The following ARFGAP3 variants were observed in gnomAD, a reference collection of about 807,000 sequenced individuals.
ARFGAP3 encodes the protein ARF GTPase activating protein 3, also known as ADP-ribosylation factor GTPase-activating protein 3.
In ARFGAP3, 72 loss-of-function variants were observed where a neutral mutation model predicts 75.0. That is an observed-to-expected ratio of 0.96 (90% CI 0.79 to 1.17). The LOEUF (loss-of-function observed/expected upper bound fraction) is 1.17. Among genes scored for constraint, ARFGAP3 ranks in the 50% most tolerant of loss-of-function variants. The pLI is 0.00. For synonymous variants in ARFGAP3, 221 were observed against 217.9 expected, an observed-to-expected ratio of 1.01 and a Z score of -0.13; for missense variants, 620 against 626.6, an observed-to-expected ratio of 0.99 and a Z score of 0.11.
intron 2 of ARFGAP3, among the ~76,000 whole-genome samples, chr22:42,843,618 A>G (rs1652688512): frequency 6.6e-6 from 1 of 152,208 alleles, no homozygotes; most frequent in Admixed American, 6.5e-5. Context: ...TTTTCCAACC[A>G]GAAGTGGGCA....
chr22:42,799,150 G>A lies in ARFGAP3; in HGVS notation c.1422C>T (p.Ser474=), dbSNP rs2146520227. 6.2e-7 allele frequency: 1 copy of A among 1,614,066 alleles called. No individual in the cohort carries two copies. The highest frequency in any genetic ancestry group is 8.5e-7 in the Non-Finnish European group (1 of 1,179,986). Residue 474 remains serine (S), a synonymous_variant, in exon 15 of 16, where the codon AGC becomes AGT. Transcript: ENST00000263245. ...EPRKQPAGNY[S]LSSVLPNAPD... ...GGGCGTTGGGCAGCACACTGGACAG[G>A]CTGTAGTTCCCTGCACACACACAGC...
intron 2 of ARFGAP3, among the ~76,000 whole-genome samples, chr22:42,843,719 A>G (rs1400484214): frequency 6.6e-6 from 1 of 152,230 alleles, no homozygotes; most frequent in Non-Finnish European, 1.5e-5. Context: ...CCAGGCCAAC[A>G]AGATCGATGC....
At position 42,841,032 on chromosome 22, in the gene ARFGAP3, A is replaced by C; in HGVS notation, c.189-16T>G. ...CTCTGTAGATCTAAATGGAAAGAAT[A>C]TTACTAACTGTTAATATTTTTTATC... On this transcript the variant is annotated splice_polypyrimidine_tract_variant and intron_variant, in intron 2 of 15. Coordinates refer to ENST00000263245, the MANE Select transcript of ARFGAP3 (RefSeq NM_014570.5). The C allele has an allele frequency of 6.2e-7, 1 of 1,611,508 alleles. No individual in the cohort carries two copies. Among genetic ancestry groups the C allele is most frequent in the Non-Finnish European group, 8.5e-7 (1 of 1,179,114 alleles).
intron 1 of ARFGAP3, among the ~76,000 whole-genome samples, chr22:42,848,997 A>G (rs972242052): frequency 1.3e-5 from 2 of 152,122 alleles, no homozygotes; most frequent in Non-Finnish European, 2.9e-5. Context: ...CTCTAGGGGA[A>G]GCCAGGTGCC....
rs769806430 is a variant in ARFGAP3 at position 42,835,541 on chromosome 22, G to T, written c.262-48C>A. On this transcript the variant is annotated intron_variant, in intron 3 of 15. Transcript: ENST00000263245. ...TAATATTTTCGTAAAACTACGTATG[G>T]CCAGGCGCAGTGGCTCATGCCTGTA... 5.6e-6 allele frequency: 9 copies of T among 1,601,076 alleles called. No homozygotes were observed. The East Asian group carries it at 1.6e-4, about 28-fold the overall frequency.
chr22:42,846,446 C>G (rs1306274376), intron 2 of ARFGAP3, among the ~76,000 whole-genome samples: 1 of 152,204 alleles, frequency 6.6e-6, no homozygotes, highest in Non-Finnish European at 1.5e-5. Context: ...GTTATCCCAT[C>G]AGACTGTCAG....
At chr22:42,805,846 TCTCTGCCAGCTG>T (rs1925095494) in intron 14 of ARFGAP3, among the ~76,000 whole-genome samples, 1 of 152,208 alleles carries the variant, frequency 6.6e-6, no homozygotes, top group Middle Eastern at 3.2e-3. Context: ...GCTGCCTGGC[TCTCTGCCAGCTG>T]CTCTGCCAAC....
intron 6 of ARFGAP3, 31 bp downstream of exon 6, chr22:42,831,508 AACCATAGAAT>A (rs749619350): frequency 1.3e-6 from 2 of 1,587,090 alleles, no homozygotes; most frequent in Non-Finnish European, 1.7e-6. Context: ...CATGCCACTG[AACCATAGAAT>A]AGTATTACAT....
chr22:42,823,070 A>G lies in ARFGAP3; in HGVS notation c.672+586T>C, dbSNP rs1925881884. Among the ~76,000 whole-genome samples, 6 of 152,042 alleles carry G rather than the reference A, an allele frequency of 3.9e-5. 1 individual carries two copies. Among genetic ancestry groups the G allele is most frequent in the Admixed American group, 3.3e-4 (5 of 15,262 alleles). On this transcript the variant is annotated intron_variant, in intron 8 of 15. Coordinates refer to ENST00000263245, the MANE Select transcript of ARFGAP3 (RefSeq NM_014570.5). ...AGTGATCCACCTGCCTCGGCCTCCC[A>G]AAGTGCTGGGATTACAGGCGTGAGT...
intron 11 of ARFGAP3, among the ~76,000 whole-genome samples, chr22:42,812,133 G>A (rs1352370570): frequency 6.6e-6 from 1 of 150,554 alleles, no homozygotes; most frequent in African/African-American, 2.4e-5. Context: ...AGCTACTTGG[G>A]AGGCTCACCT....
chr22:42,841,297 T>C (rs1926770360), intron 2 of ARFGAP3, among the ~76,000 whole-genome samples: 1 of 152,144 alleles, frequency 6.6e-6, no homozygotes. Flanking sequence ...CTCCCATCCT[T>C]GGTTGGATAT....
At chr22:42,808,389 C>T (rs1255678115) in intron 13 of ARFGAP3, among the ~76,000 whole-genome samples, 9 of 141,370 alleles carry the variant, frequency 6.4e-5, no homozygotes, top group Non-Finnish European at 1.0e-4. Context: ...CAGAAGGAGG[C>T]TCCGTCTCAA....
At chr22:42,815,602 GGT>G (rs752599488) in intron 11 of ARFGAP3, among the ~76,000 whole-genome samples, 3 of 151,212 alleles carry the variant, frequency 2.0e-5, no homozygotes, top group Admixed American at 6.6e-5. Flanking sequence ...CATGTGTGTG[GGT>G]GTGTATATAT....
intron 9 of ARFGAP3, among the ~76,000 whole-genome samples, chr22:42,820,232 A>C (rs1925752623): frequency 6.6e-6 from 1 of 152,180 alleles, no homozygotes; most frequent in Non-Finnish European, 1.5e-5. Flanking sequence ...GAAACACTCA[A>C]ATCTAACCTT....
At chr22:42,800,347 T>G (rs1319266828) in intron 14 of ARFGAP3, among the ~76,000 whole-genome samples, 1 of 152,086 alleles carries the variant, frequency 6.6e-6, no homozygotes, top group African/African-American at 2.4e-5. Context: ...CTGGCCAACA[T>G]GGTGAAACCC....
At chr22:42,810,372 G>A (rs1925310832) in intron 12 of ARFGAP3, among the ~76,000 whole-genome samples, 1 of 152,026 alleles carries the variant, frequency 6.6e-6, no homozygotes, top group Admixed American at 6.6e-5. Context: ...GCTGAGGCAG[G>A]AGAATCGCTT....
chr22:42,798,594 G>A (rs1056006701), intron 15 of ARFGAP3, among the ~76,000 whole-genome samples: 6 of 152,140 alleles, frequency 3.9e-5, no homozygotes, highest in African/African-American at 9.7e-5. Context: ...GAAAAAGCAA[G>A]ATATAAAACC....
In ARFGAP3 at chr22:42,840,696, T is replaced by G. The variant is rs1477678520; in HGVS notation, c.261+248A>C. Among the ~76,000 whole-genome samples, 3 of 152,082 alleles carry G rather than the reference T, an allele frequency of 2.0e-5. No individual in the cohort carries two copies. In the East Asian group the frequency reaches 5.8e-4, roughly 29 times the overall value. On this transcript the variant is annotated intron_variant, in intron 3 of 15. Coordinates refer to ENST00000263245, the MANE Select transcript of ARFGAP3 (RefSeq NM_014570.5). ...CGCCCGCCTCAGCCTCCCAAAGTGT[T>G]GGGATTACAGGCGTGAGACACCACA...
intron 2 of ARFGAP3, 81 bp from the exon 3 acceptor site, chr22:42,841,097 C>T: frequency 6.5e-7 from 1 of 1,538,306 alleles, no homozygotes; most frequent in Non-Finnish European, 8.7e-7. Flanking sequence ...AACAAGGTTT[C>T]CTTAGGCTTT....
Sources: allele counts gnomAD v4.1 joint callset (sites outside exome capture counted in the v4.1 genomes callset), GRCh38; gene constraint gnomAD v4.1.1; transcripts MANE v1.5; gene names NCBI Gene and HGNC (gene_info 2026-07-23, HGNC 2026-07-21).